The following PPP2R5D variants were observed in gnomAD, a reference collection of about 807,000 sequenced individuals.
PPP2R5D encodes serine/threonine-protein phosphatase 2A 56 kDa regulatory subunit delta isoform.
A neutral mutation model predicts 79.1 loss-of-function variants in PPP2R5D; 12 were observed. The ratio of observed to expected loss-of-function variants is 0.15; its 90% CI spans 0.10 to 0.25. The LOEUF (loss-of-function observed/expected upper bound fraction) is 0.25. Ranked by LOEUF, PPP2R5D falls within the 10% of genes least tolerant of loss-of-function variation. PPP2R5D has a pLI of 1.00. For synonymous variants in PPP2R5D, 277 were observed against 286.6 expected (o/e 0.97, Z 0.34); for missense variants, 419 against 760.2 (o/e 0.55, Z 5.28).
intron 2 of PPP2R5D, among the ~76,000 whole-genome samples, chr6:42,996,226 G>T (rs1449854332): frequency 6.6e-6 from 1 of 150,386 alleles, no homozygotes; most frequent in Non-Finnish European, 1.5e-5. Context: ...CACTTTGGGA[G>T]GCCGAGGCGG....
chr6:42,995,999 C>G (rs1771644671), intron 2 of PPP2R5D, among the ~76,000 whole-genome samples: 2 of 112,346 alleles, frequency 1.8e-5, no homozygotes, highest in Admixed American at 1.2e-4. Context: ...GTAGCTGGGA[C>G]TTTCTATTTT....
At chr6:42,995,554 ATTC>A (rs1294114628) in intron 2 of PPP2R5D, among the ~76,000 whole-genome samples, 4 of 139,160 alleles carry the variant, frequency 2.9e-5, no homozygotes, top group African/African-American at 1.2e-4. Flanking sequence ...ACTCATGTTT[ATTC>A]TTTTTTTTTT....
chr6:43,007,328 T>C lies in PPP2R5D; in HGVS notation c.633+22T>C, dbSNP rs1554131740. 6 of 1,612,638 alleles carry C rather than the reference T, an allele frequency of 3.7e-6. No homozygotes were observed. Among genetic ancestry groups the C allele is most frequent in the South Asian group, 2.2e-5 (2 of 91,058 alleles). On this transcript the variant is annotated intron_variant, in intron 5 of 15. Transcript: ENST00000485511. This position sits in a 1 kb window ranked among gnomAD's most constrained non-coding sequence, Gnocchi z 4.5. ...CCAGGTACCAGGGCAAGGGGGCAGA[T>C]TGGCCGTGGCTGCAGGGAGTGGGGC... is the stretch of plus-strand genomic sequence containing the variant.
chr6:42,998,172 T>G (rs1246567676), intron 2 of PPP2R5D, among the ~76,000 whole-genome samples: 1 of 141,966 alleles, frequency 7.0e-6, no homozygotes, highest in East Asian at 2.3e-4. Flanking sequence ...CCTCCCGGGT[T>G]CAAGCAATGT....
At chr6:42,998,011 TTATTTA>T (rs1333709905) in intron 2 of PPP2R5D, among the ~76,000 whole-genome samples, 21 of 72,566 alleles carry the variant, frequency 2.9e-4, no homozygotes, top group African/African-American at 7.6e-4. Flanking sequence ...TATTTGGGTT[TTATTTA>T]TATATATATA....
chr6:42,984,717 CT>C lies in PPP2R5D; in HGVS notation c.27+18del. On this transcript the variant is annotated intron_variant, in intron 1 of 15. Transcript: ENST00000485511. ...GAAAAAGGAGAAGGTGAGCGTGGCCCTTTTTCCCCCACCGCCGCCTTGGAGC... is the reference window on the plus strand; with the variant it reads ...GAAAAAGGAGAAGGTGAGCGTGGCCCTTTTCCCCCACCGCCGCCTTGGAGC... The C allele has an allele frequency of 1.2e-6, 2 of 1,612,006 alleles. No individual in the cohort carries two copies. The highest frequency in any genetic ancestry group is 2.2e-5 in the East Asian group (1 of 44,750).
intron 2 of PPP2R5D, among the ~76,000 whole-genome samples, chr6:42,995,306 A>G (rs1002726763): frequency 2.7e-5 from 4 of 150,898 alleles, no homozygotes; most frequent in Non-Finnish European, 5.9e-5. Flanking sequence ...TAAGTTTTGT[A>G]TTTTTTGTAG....
intron 1 of PPP2R5D, among the ~76,000 whole-genome samples, chr6:42,988,384 C>G (rs1043247489): frequency 2.0e-5 from 3 of 152,228 alleles, no homozygotes; most frequent in African/African-American, 7.2e-5. Flanking sequence ...TTCGGCTTCA[C>G]TAGGTGGCCA....
At chr6:42,993,179 C>A (rs1172459446) in intron 2 of PPP2R5D, among the ~76,000 whole-genome samples, 2 of 152,042 alleles carry the variant, frequency 1.3e-5, no homozygotes, top group African/African-American at 4.8e-5. Flanking sequence ...TGCCTGTAAT[C>A]CCAGCTACTA....
intron 2 of PPP2R5D, among the ~76,000 whole-genome samples, chr6:43,003,759 C>T (rs931895666): frequency 2.4e-4 from 36 of 151,826 alleles, no homozygotes; most frequent in African/African-American, 7.7e-4. Context: ...TTTTTTGAGA[C>T]GGCGTCTCGC....
At chr6:43,001,043 AG>A (rs1359736049) in intron 2 of PPP2R5D, among the ~76,000 whole-genome samples, 3 of 152,334 alleles carry the variant, frequency 2.0e-5, no homozygotes, top group South Asian at 2.1e-4. Flanking sequence ...TATCAAAAAG[AG>A]GGGGTGACAC....
At position 43,001,907 on chromosome 6, in the gene PPP2R5D, T is replaced by C. The variant is rs111462714; in HGVS notation, c.106-4556T>C. On this transcript the variant is annotated intron_variant, in intron 2 of 15. Coordinates refer to ENST00000485511, the MANE Select transcript of PPP2R5D (RefSeq NM_006245.4). ...TCTCAAAAAAAAAAAAATGCTTCTT[T>C]AGTGCGTGACAGAGCCAGACTCTGT... is the stretch of plus-strand genomic sequence containing the variant. Among the ~76,000 whole-genome samples the C allele has an allele frequency of 9.4e-3, 1,404 of 148,800 alleles. 23 individuals are homozygous for C. Among genetic ancestry groups the C allele is most frequent in the African/African-American group, 0.033 (1,310 of 39,970 alleles).
chr6:43,009,529 G>T lies in PPP2R5D; in HGVS notation c.1379+80G>T. 3 of 1,581,966 alleles carry T rather than the reference G, an allele frequency of 1.9e-6. No homozygotes were observed. Among genetic ancestry groups the T allele is most frequent in the Non-Finnish European group, 2.6e-6 (3 of 1,158,042 alleles). ...GGTATGGAAGAACTAAAGAGCCAGG[G>T]GTCTCACCTAGTCACCCAGCAAGTG... On this transcript the variant is annotated intron_variant, in intron 12 of 15. Coordinates refer to ENST00000485511, the MANE Select transcript of PPP2R5D (RefSeq NM_006245.4). This position sits in a 1 kb window ranked among gnomAD's most constrained non-coding sequence, Gnocchi z 5.6.
chr6:42,995,126 CTTTT>C (rs889250251), intron 2 of PPP2R5D, among the ~76,000 whole-genome samples: 7 of 106,360 alleles, frequency 6.6e-5, no homozygotes, highest in African/African-American at 2.5e-4. Context: ...CTTTTTCTTT[CTTTT>C]TTTTTTTTTT....
rs1432656660 is a variant in PPP2R5D at position 43,007,159 on chromosome 6, A to G, written c.523-37A>G. ...GGGGGACTGGTGAGGGGCTCTGGAG[A>G]AGCCCAGGTGGAGCTCTAACTGGCC... On this transcript the variant is annotated intron_variant, in intron 4 of 15. Coordinates refer to ENST00000485511, the MANE Select transcript of PPP2R5D (RefSeq NM_006245.4). The surrounding 1 kb of genome is among the most constrained non-coding windows in gnomAD (Gnocchi z 4.5). The G allele has an allele frequency of 1.9e-6, 3 of 1,613,744 alleles. No individual in the cohort carries two copies. The highest frequency in any genetic ancestry group is 2.5e-6 in the Non-Finnish European group (3 of 1,179,776).
chr6:43,008,512 C>A lies in PPP2R5D; in HGVS notation c.1026+37C>A. ...TCCTCCTTATAATGTCCAACTCAGG[C>A]AGCAGAGAAAAGAGCCGGCAGGAAA... On this transcript the variant is annotated intron_variant, in intron 9 of 15. Transcript: ENST00000485511. The surrounding 1 kb of genome is among the most constrained non-coding windows in gnomAD (Gnocchi z 4.2). 1 of 1,565,960 alleles carries A rather than the reference C, an allele frequency of 6.4e-7. No individual in the cohort carries two copies.
chr6:43,005,337 C>T (rs1246851465), intron 2 of PPP2R5D, among the ~76,000 whole-genome samples: 1 of 151,950 alleles, frequency 6.6e-6, no homozygotes, highest in East Asian at 1.9e-4. Flanking sequence ...GGCTGGAGTG[C>T]AGTTGGTGTG....
At position 43,012,115 on chromosome 6, in the gene PPP2R5D, T is replaced by C; in HGVS notation, c.*829T>C. Reference sequence around the variant, plus strand: ...TGGCTCCTGCCAACACCTATTTATTTCCTTGTTTGTGCTATGCTGGGCAGG... The same window carrying C: ...TGGCTCCTGCCAACACCTATTTATTCCCTTGTTTGTGCTATGCTGGGCAGG... On this transcript the variant is annotated 3_prime_UTR_variant, in exon 16 of 16. Coordinates refer to ENST00000485511, the MANE Select transcript of PPP2R5D (RefSeq NM_006245.4). The C allele has an allele frequency of 3.9e-6, 3 of 777,458 alleles. No homozygotes were observed. The highest frequency in any genetic ancestry group is 4.7e-6 in the Non-Finnish European group (3 of 633,362). 48.2% of individuals were successfully genotyped at this position (777,458 alleles called of 1,614,324 possible).
intron 2 of PPP2R5D, among the ~76,000 whole-genome samples, chr6:42,991,099 CTG>C (rs1369928192): frequency 6.6e-6 from 1 of 152,214 alleles, no homozygotes; most frequent in Non-Finnish European, 1.5e-5. Flanking sequence ...TCCTCTCAGA[CTG>C]TGAACTCCAA....
Sources: allele counts gnomAD v4.1 joint callset (sites outside exome capture counted in the v4.1 genomes callset), GRCh38; gene constraint gnomAD v4.1.1; non-coding constraint Gnocchi (gnomAD v3.1); transcripts MANE v1.5; gene names NCBI Gene and HGNC (gene_info 2026-07-23, HGNC 2026-07-21).